The following IFNG-AS1 variants were observed in gnomAD, a reference collection of about 807,000 sequenced individuals.
The protein encoded by IFNG-AS1 is IFNG regulatory antisense RNA 1, also known as IFNG antisense RNA 1 (non-protein coding).
At chr12:68,015,560 C>A (rs1325943843) in intron 3 of IFNG-AS1, among the ~76,000 whole-genome samples, 2 of 152,138 alleles carry the variant, frequency 1.3e-5, no homozygotes, top group African/African-American at 4.8e-5. Flanking sequence ...CCAAGCATCC[C>A]AAACAGTGCA....
chr12:67,995,347 G>A (rs1484191101), intron 1 of IFNG-AS1, among the ~76,000 whole-genome samples: 1 of 150,118 alleles, frequency 6.7e-6, no homozygotes, highest in African/African-American at 2.5e-5. Flanking sequence ...CTTGAACCCA[G>A]GAAGCGGAGG....
At chr12:67,999,426 A>G (rs1879716381) in intron 2 of IFNG-AS1, among the ~76,000 whole-genome samples, 1 of 152,192 alleles carries the variant, frequency 6.6e-6, no homozygotes, top group Non-Finnish European at 1.5e-5. Context: ...AGTACTGTGT[A>G]AGATTATCCT....
chr12:68,012,180 T>C (rs1880047285), intron 3 of IFNG-AS1, among the ~76,000 whole-genome samples: 1 of 152,206 alleles, frequency 6.6e-6, no homozygotes. Context: ...TTTCTTTCCT[T>C]TTAATTGGTT....
chr12:68,019,035 T>G (rs1880224729), intron 3 of IFNG-AS1, among the ~76,000 whole-genome samples: 1 of 152,112 alleles, frequency 6.6e-6, no homozygotes, highest in East Asian at 1.9e-4. Flanking sequence ...ATCATACATT[T>G]TAAACTAAAA....
At chr12:68,007,477 G>C (rs1879931661) in intron 3 of IFNG-AS1, among the ~76,000 whole-genome samples, 1 of 152,112 alleles carries the variant, frequency 6.6e-6, no homozygotes, top group Admixed American at 6.5e-5. Flanking sequence ...ATCTATTTTA[G>C]TCAGAAAAAA....
chr12:67,994,427 C>T (rs1390031880), intron 1 of IFNG-AS1, among the ~76,000 whole-genome samples: 1 of 152,180 alleles, frequency 6.6e-6, no homozygotes, highest in Non-Finnish European at 1.5e-5. Flanking sequence ...TCCTACCCCT[C>T]CTGAGTTCCT....
chr12:67,992,076 G>C (rs1879529564), intron 1 of IFNG-AS1, among the ~76,000 whole-genome samples: 1 of 152,008 alleles, frequency 6.6e-6, no homozygotes, highest in Non-Finnish European at 1.5e-5. Flanking sequence ...CTCTGTCTCT[G>C]TATCCAGGAG....
At chr12:67,992,856 C>A (rs1252403298) in intron 1 of IFNG-AS1, among the ~76,000 whole-genome samples, 2 of 152,130 alleles carry the variant, frequency 1.3e-5, no homozygotes, top group Non-Finnish European at 2.9e-5. Context: ...ATCACTGTGC[C>A]AACTTTAAGG....
intron 1 of IFNG-AS1, among the ~76,000 whole-genome samples, chr12:67,992,800 G>C (rs1398628468): frequency 6.6e-6 from 1 of 152,090 alleles, no homozygotes; most frequent in East Asian, 1.9e-4. Context: ...TGTTGACTTT[G>C]CACAGTAACA....
At chr12:67,999,298 T>C (rs952847428) in intron 2 of IFNG-AS1, among the ~76,000 whole-genome samples, 3 of 152,174 alleles carry the variant, frequency 2.0e-5, no homozygotes, top group Non-Finnish European at 4.4e-5. Context: ...CTAAAAGTAA[T>C]GACACCAGTA....
chr12:68,002,579 T>C (rs1214758613), intron 2 of IFNG-AS1, among the ~76,000 whole-genome samples: 1 of 152,202 alleles, frequency 6.6e-6, no homozygotes, highest in Admixed American at 6.5e-5. Context: ...GCCAACAGTT[T>C]TCCAAAGTAG....
At chr12:68,012,072 T>G (rs1345210289) in intron 3 of IFNG-AS1, among the ~76,000 whole-genome samples, 3 of 152,178 alleles carry the variant, frequency 2.0e-5, no homozygotes, top group African/African-American at 7.2e-5. Context: ...CTGAGCTCAG[T>G]AGTGTGGCAT....
At chr12:68,011,548 T>A (rs1437916160) in intron 3 of IFNG-AS1, among the ~76,000 whole-genome samples, 1 of 152,232 alleles carries the variant, frequency 6.6e-6, no homozygotes, top group South Asian at 2.1e-4. Flanking sequence ...GATCTTGAGA[T>A]GATGTTCCAG....
chr12:68,001,604 G>A (rs118114411), intron 2 of IFNG-AS1: 3,159 of 155,334 alleles, frequency 0.02, 39 homozygotes, highest in Non-Finnish European at 0.031. Context: ...GGAGAGACCC[G>A]TCTTGTTTTA....
intron 3 of IFNG-AS1, among the ~76,000 whole-genome samples, chr12:68,016,765 G>A (rs908105756): frequency 1.3e-5 from 2 of 152,124 alleles, no homozygotes; most frequent in South Asian, 2.1e-4. Context: ...AATCAGCTGA[G>A]CAAATATGAC....
chr12:68,004,298 G>C (rs1879857080), intron 2 of IFNG-AS1, among the ~76,000 whole-genome samples: 1 of 152,128 alleles, frequency 6.6e-6, no homozygotes, highest in African/African-American at 2.4e-5. Context: ...GCTCCCCCAT[G>C]ATGCATTTAC....
intron 2 of IFNG-AS1, among the ~76,000 whole-genome samples, chr12:68,002,468 C>T (rs993090471): frequency 1.3e-5 from 2 of 152,244 alleles, no homozygotes; most frequent in African/African-American, 4.8e-5. Flanking sequence ...ATGTTCTTCC[C>T]CACGTAAGCC....
chr12:68,019,721 A>G (rs1002250323), intron 3 of IFNG-AS1: 1 of 152,232 alleles, frequency 6.6e-6, no homozygotes, highest in Non-Finnish European at 1.5e-5. Flanking sequence ...AGTGCCCAAG[A>G]ACAGCAAATG....
intron 3 of IFNG-AS1, among the ~76,000 whole-genome samples, chr12:68,011,024 GAAAACAGGCC>G (rs1880014295): frequency 6.6e-6 from 1 of 152,192 alleles, no homozygotes; most frequent in Admixed American, 6.5e-5. Context: ...TTTTAGATGA[GAAAACAGGCC>G]AGAAAAGGTT....
Sources: allele counts gnomAD v4.1 joint callset (sites outside exome capture counted in the v4.1 genomes callset), GRCh38; gene constraint gnomAD v4.1.1; transcripts MANE v1.5; gene names NCBI Gene and HGNC (gene_info 2026-07-23, HGNC 2026-07-21).